The following DNAI4 variants were observed in gnomAD, a reference collection of about 807,000 sequenced individuals.
DNAI4 encodes the protein WD repeat domain 78.
DNAI4 carries 85 observed loss-of-function variants against 105.8 expected under a neutral mutation model. The ratio of observed to expected loss-of-function variants is 0.80; its 90% CI spans 0.67 to 0.96. DNAI4 has a LOEUF of 0.96. Ranked by LOEUF, DNAI4 falls within the 40% of genes least tolerant of loss-of-function variation. The probability of loss-of-function intolerance (pLI) is 0.00; values close to 1 mark genes in which losing one functional copy is unlikely to be tolerated. For synonymous variants in DNAI4, 352 were observed against 331.5 expected (o/e 1.06, Z -0.67); for missense variants, 1,014 against 1,005.6 (o/e 1.01, Z -0.11).
intron 8 of DNAI4, among the ~76,000 whole-genome samples, chr1:66,845,210 G>GAAAAAAAAAAAAAAAAAAAAAAAAAAAA (rs1557918709): frequency 4.6e-5 from 1 of 21,620 alleles, no homozygotes; most frequent in African/African-American, 1.5e-4. Flanking sequence ...AAAAAAAAAA[G>GAAAAAAAAAAAAAAAAAAAAAAAAAAAA]AAAAATTAAA....
At chr1:66,894,082 G>A (rs567634392) in intron 2 of DNAI4, among the ~76,000 whole-genome samples, 3 of 152,146 alleles carry the variant, frequency 2.0e-5, no homozygotes, top group South Asian at 2.1e-4. Context: ...ATGTGCTTAC[G>A]AAACTACACT....
intron 8 of DNAI4, among the ~76,000 whole-genome samples, chr1:66,844,868 T>C (rs942753656): frequency 5.3e-5 from 8 of 152,120 alleles, no homozygotes; most frequent in Non-Finnish European, 1.2e-4. Context: ...CCAGAATATA[T>C]AAAAATAAGC....
chr1:66,844,018 C>T (rs935200292), intron 8 of DNAI4, among the ~76,000 whole-genome samples: 4 of 129,476 alleles, frequency 3.1e-5, no homozygotes, highest in African/African-American at 1.2e-4. Context: ...GGAACAGTGG[C>T]TCATGTCTAT....
At chr1:66,915,775 A>G (rs1650018808) in intron 1 of DNAI4, among the ~76,000 whole-genome samples, 1 of 152,194 alleles carries the variant, frequency 6.6e-6, no homozygotes, top group Admixed American at 6.5e-5. Context: ...AGTTATAAAA[A>G]TAAACAGGTT....
At position 66,818,871 on chromosome 1, in the gene DNAI4, C is replaced by G. The variant is rs542644097; in HGVS notation, c.2496+3490G>C. On this transcript the variant is annotated intron_variant, in intron 16 of 16. Transcript: ENST00000371026. ...GAGGTTGCAGTGAGCCAAGATCGTG[C>G]CACTGCATTCCAGCCTGGGCGACAA... 1.1e-4 allele frequency among the ~76,000 whole-genome samples: 17 copies of G among 152,196 alleles called. 1 individual carries two copies. In the South Asian group the frequency reaches 3.3e-3, roughly 30 times the overall value.
At chr1:66,836,276 GA>G in intron 10 of DNAI4, among the ~76,000 whole-genome samples, 1 of 137,158 alleles carries the variant, frequency 7.3e-6, no homozygotes, top group Non-Finnish European at 1.6e-5. Flanking sequence ...AAGAAAGAAA[GA>G]AAGAAAGAAA....
chr1:66,866,137 T>C (rs1260956043), intron 6 of DNAI4, among the ~76,000 whole-genome samples: 1 of 151,866 alleles, frequency 6.6e-6, no homozygotes, highest in African/African-American at 2.4e-5. Context: ...TGAAATCCCA[T>C]CTCTAGTAAA....
chr1:66,869,103 A>C (rs1557941857), intron 6 of DNAI4, among the ~76,000 whole-genome samples: 1 of 148,526 alleles, frequency 6.7e-6, no homozygotes, highest in Admixed American at 6.7e-5. Context: ...TAAATAAATA[A>C]ATCCTAGATA....
At chr1:66,854,900 T>C (rs1345998775) in intron 7 of DNAI4, among the ~76,000 whole-genome samples, 2 of 152,232 alleles carry the variant, frequency 1.3e-5, no homozygotes, top group Non-Finnish European at 2.9e-5. Flanking sequence ...GTTCACAGAT[T>C]GAAAGACTTA....
intron 1 of DNAI4, among the ~76,000 whole-genome samples, chr1:66,914,977 A>C (rs1217676654): frequency 6.6e-6 from 1 of 152,212 alleles, no homozygotes; most frequent in African/African-American, 2.4e-5. Flanking sequence ...GTAACATTAG[A>C]AATGTCCTAA....
chr1:66,901,864 G>C (rs1648851435), intron 2 of DNAI4, among the ~76,000 whole-genome samples: 1 of 152,200 alleles, frequency 6.6e-6, no homozygotes, highest in African/African-American at 2.4e-5. Context: ...ATAGCTCACT[G>C]TAGCCTTGAA....
intron 1 of DNAI4, among the ~76,000 whole-genome samples, chr1:66,916,227 T>C (rs1185953349): frequency 1.3e-5 from 2 of 152,132 alleles, no homozygotes; most frequent in East Asian, 1.9e-4. Flanking sequence ...CAAAAGAGGA[T>C]TTATTTTAAA....
At chr1:66,898,568 C>T (rs1322928174) in intron 2 of DNAI4, among the ~76,000 whole-genome samples, 1 of 152,156 alleles carries the variant, frequency 6.6e-6, no homozygotes, top group Non-Finnish European at 1.5e-5. Flanking sequence ...TTCTCCATCT[C>T]TTGTGAGCAC....
chr1:66,862,306 G>A lies in DNAI4; in HGVS notation c.941-4C>T, dbSNP rs775646579. Reference sequence around the variant, plus strand: ...TCCCAGGCAGTGGACATTATGCCTAGATAAAGACACAGAAAGGTAAAAATT... The same window carrying A: ...TCCCAGGCAGTGGACATTATGCCTAAATAAAGACACAGAAAGGTAAAAATT... On this transcript the variant is annotated splice_polypyrimidine_tract_variant and splice_region_variant and intron_variant, in intron 6 of 16. Coordinates refer to ENST00000371026, the MANE Select transcript of DNAI4 (RefSeq NM_024763.5). 5.6e-6 allele frequency: 9 copies of A among 1,602,714 alleles called. No homozygotes were observed. Among genetic ancestry groups the A allele is most frequent in the Admixed American group, 1.8e-5 (1 of 57,026 alleles).
chr1:66,895,060 C>T (rs1006428699), intron 2 of DNAI4, among the ~76,000 whole-genome samples: 2 of 152,032 alleles, frequency 1.3e-5, no homozygotes, highest in African/African-American at 4.8e-5. Context: ...TTGTTTTGGT[C>T]CTCTTTAATG....
chr1:66,849,551 T>C (rs527605321), intron 7 of DNAI4, among the ~76,000 whole-genome samples: 8 of 152,084 alleles, frequency 5.3e-5, no homozygotes, highest in Non-Finnish European at 1.0e-4. Flanking sequence ...TTAACTTGAA[T>C]GGAAAAAAGC....
chr1:66,817,743 G>C (rs1264501238), intron 16 of DNAI4, among the ~76,000 whole-genome samples: 1 of 152,186 alleles, frequency 6.6e-6, no homozygotes, highest in African/African-American at 2.4e-5. Flanking sequence ...ACATGGGCAA[G>C]GTTGCAGACT....
intron 14 of DNAI4, among the ~76,000 whole-genome samples, chr1:66,827,359 C>A (rs189877580): frequency 2.0e-5 from 3 of 151,762 alleles, no homozygotes; most frequent in African/African-American, 7.3e-5. Flanking sequence ...ACAATCATGA[C>A]AAGATATATA....
At chr1:66,914,137 T>G (rs929102613) in intron 1 of DNAI4, among the ~76,000 whole-genome samples, 1 of 151,888 alleles carries the variant, frequency 6.6e-6, no homozygotes, top group Non-Finnish European at 1.5e-5. Context: ...AAATAAAAAG[T>G]GGGAAATAAA....
Sources: gnomAD v4.1 joint callset for allele counts (sites outside exome capture counted in the v4.1 genomes callset) on GRCh38, gnomAD v4.1.1 for gene constraint, MANE v1.5 for transcripts, NCBI Gene and HGNC (gene_info 2026-07-23, HGNC 2026-07-21) for gene names.